Variants in FARS2 observed in about 807,000 individuals in gnomAD.
FARS2 encodes the protein phenylalanyl-tRNA synthetase 2, mitochondrial, also known as phenylalanine--tRNA ligase, mitochondrial.
Under a neutral mutation model 46.4 loss-of-function variants are expected in FARS2, and 40 were observed. The ratio of observed to expected loss-of-function variants is 0.86; its 90% CI spans 0.67 to 1.12. The LOEUF (loss-of-function observed/expected upper bound fraction) is 1.12. Ranked by LOEUF, FARS2 falls within the 50% of genes most tolerant of loss-of-function variation. The probability of loss-of-function intolerance (pLI) is 0.00; values close to 1 mark genes in which losing one functional copy is unlikely to be tolerated. For synonymous variants in FARS2, 234 were observed against 214.9 expected (o/e 1.09, Z -0.78); for missense variants, 513 against 567.9 (o/e 0.90, Z 0.98).
At chr6:5,387,097 G>A (rs9392680) in intron 2 of FARS2, among the ~76,000 whole-genome samples, 30,318 of 152,158 alleles carry the variant, frequency 0.2, 3,545 homozygotes, top group Middle Eastern at 0.28. Context: ...GATAGTTGCA[G>A]CATGGTCTGG....
At chr6:5,326,386 G>T (rs1770383423) in intron 1 of FARS2, among the ~76,000 whole-genome samples, 1 of 152,200 alleles carries the variant, frequency 6.6e-6, no homozygotes, top group African/African-American at 2.4e-5. Flanking sequence ...CATCCACTTT[G>T]TCTTTCCCTG....
chr6:5,315,077 G>A (rs979443326), intron 1 of FARS2, among the ~76,000 whole-genome samples: 2 of 152,188 alleles, frequency 1.3e-5, no homozygotes, highest in African/African-American at 4.8e-5. Flanking sequence ...GTGAAAAGAT[G>A]TCCTTTGAGA....
Position 5,763,595 on chromosome 6 carries a change from A to G in FARS2, c.1218-7696A>G, listed in dbSNP as rs898778984. The stretch of plus-strand genomic sequence containing the variant: ...AAATGAGGCCAGTAGAGGTTAAATG[A>G]CTCGCCCAGATTCACACAGTCATCA... On this transcript the variant is annotated intron_variant, in intron 6 of 6. Coordinates refer to ENST00000274680, the MANE Select transcript of FARS2 (RefSeq NM_006567.5). 1.3e-5 allele frequency among the ~76,000 whole-genome samples: 2 copies of G among 151,972 alleles called. 1 individual carries two copies. The highest frequency in any genetic ancestry group is 1.3e-4 in the Admixed American group (2 of 15,264).
chr6:5,489,135 G>T (rs550017316), intron 4 of FARS2, among the ~76,000 whole-genome samples: 1 of 152,188 alleles, frequency 6.6e-6, no homozygotes, highest in East Asian at 1.9e-4. Context: ...GTGTGGGAGT[G>T]GGGGCAGGGG....
intron 4 of FARS2, among the ~76,000 whole-genome samples, chr6:5,483,151 G>A (rs895373216): frequency 6.6e-6 from 1 of 152,192 alleles, no homozygotes; most frequent in African/African-American, 2.4e-5. Context: ...TCTCCTTCAA[G>A]CTGACAATTT....
chr6:5,504,292 C>G (rs1445909674), intron 4 of FARS2, among the ~76,000 whole-genome samples: 1 of 151,924 alleles, frequency 6.6e-6, no homozygotes, highest in Non-Finnish European at 1.5e-5. Flanking sequence ...CACATTTGGT[C>G]AGATATTCAA....
intron 6 of FARS2, among the ~76,000 whole-genome samples, chr6:5,677,307 G>T (rs1253330714): frequency 6.6e-6 from 1 of 152,204 alleles, no homozygotes; most frequent in Non-Finnish European, 1.5e-5. Context: ...TTTGTGTTCT[G>T]CTTTCTTCTA....
chr6:5,766,139 G>A (rs1326528840), intron 6 of FARS2, among the ~76,000 whole-genome samples: 1 of 152,236 alleles, frequency 6.6e-6, no homozygotes, highest in Non-Finnish European at 1.5e-5. Flanking sequence ...AGTAGAAGCT[G>A]TGAAGTACAT....
intron 5 of FARS2, among the ~76,000 whole-genome samples, chr6:5,568,801 G>A (rs928521963): frequency 1.3e-5 from 2 of 152,204 alleles, no homozygotes; most frequent in African/African-American, 4.8e-5. Flanking sequence ...ATAAGATGAG[G>A]ATAGATTGGG....
At chr6:5,392,901 A>G (rs952295950) in intron 2 of FARS2, among the ~76,000 whole-genome samples, 3 of 92,114 alleles carry the variant, frequency 3.3e-5, no homozygotes, top group Non-Finnish European at 7.4e-5. Context: ...ATATGTGTGT[A>G]TATATTATAT....
At chr6:5,538,819 A>T (rs1329744966) in intron 4 of FARS2, among the ~76,000 whole-genome samples, 1 of 152,218 alleles carries the variant, frequency 6.6e-6, no homozygotes, top group African/African-American at 2.4e-5. Flanking sequence ...GCAAATGGAC[A>T]CCGTATCCTT....
intron 5 of FARS2, among the ~76,000 whole-genome samples, chr6:5,562,132 A>T (rs932244298): frequency 5.3e-5 from 8 of 151,902 alleles, no homozygotes; most frequent in African/African-American, 1.9e-4. Flanking sequence ...TGTTGATTTA[A>T]TTGGTTGTGT....
At chr6:5,634,895 T>C (rs905583387) in intron 6 of FARS2, among the ~76,000 whole-genome samples, 16 of 152,222 alleles carry the variant, frequency 1.1e-4, no homozygotes, top group Non-Finnish European at 2.2e-4. Context: ...AGTTCAGTTG[T>C]CTTGCAGTTG....
chr6:5,629,554 G>C (rs1387550001), intron 6 of FARS2, among the ~76,000 whole-genome samples: 1 of 152,178 alleles, frequency 6.6e-6, no homozygotes, highest in African/African-American at 2.4e-5. Flanking sequence ...AGGCTGAGGA[G>C]ATGAGGGGCT....
At chr6:5,395,481 T>G (rs956439791) in intron 2 of FARS2, among the ~76,000 whole-genome samples, 7 of 152,222 alleles carry the variant, frequency 4.6e-5, no homozygotes, top group Non-Finnish European at 1.5e-5. Flanking sequence ...TTTCTGGCCC[T>G]GATCAGTTAT....
At chr6:5,664,272 A>G (rs1317351216) in intron 6 of FARS2, among the ~76,000 whole-genome samples, 1 of 152,244 alleles carries the variant, frequency 6.6e-6, no homozygotes, top group African/African-American at 2.4e-5. Flanking sequence ...TGGAAGTCAA[A>G]GACTATCCAA....
intron 5 of FARS2, among the ~76,000 whole-genome samples, chr6:5,611,381 T>C (rs1775175410): frequency 6.6e-6 from 1 of 152,166 alleles, no homozygotes; most frequent in South Asian, 2.1e-4. Context: ...ATTGGAGGCT[T>C]TCTCCTGGGG....
chr6:5,279,436 G>A (rs1330563042), intron 1 of FARS2, among the ~76,000 whole-genome samples: 1 of 150,662 alleles, frequency 6.6e-6, no homozygotes, highest in African/African-American at 2.4e-5. Flanking sequence ...AAAATGCAGT[G>A]AGAAGATTGA....
At chr6:5,546,728 C>G (rs1285131022) in intron 5 of FARS2, among the ~76,000 whole-genome samples, 2 of 151,136 alleles carry the variant, frequency 1.3e-5, no homozygotes, top group Non-Finnish European at 1.5e-5. Flanking sequence ...CTTTGGGTTG[C>G]TCATCTTTTT....
Sources: allele counts gnomAD v4.1 joint callset (sites outside exome capture counted in the v4.1 genomes callset), GRCh38; gene constraint gnomAD v4.1.1; transcripts MANE v1.5; gene names NCBI Gene and HGNC (gene_info 2026-07-23, HGNC 2026-07-21).